The following NELL1 variants were observed in gnomAD, a reference collection of about 807,000 sequenced individuals.
NELL1 encodes neural EGFL like 1, also known as protein kinase C-binding protein NELL1.
NELL1 carries 76 observed loss-of-function variants against 107.4 expected under a neutral mutation model. That is an observed-to-expected ratio of 0.71 (90% CI 0.59 to 0.86). NELL1 has a LOEUF of 0.86. NELL1 is among the 40% of genes least tolerant of loss of function. The pLI, the probability that NELL1 is intolerant of heterozygous loss-of-function variation, is 0.00. For missense variants in NELL1, 1,024 were observed against 1,005.5 expected, an observed-to-expected ratio of 1.02 and a Z score of -0.25; for synonymous variants, 353 against 341.2, an observed-to-expected ratio of 1.03 and a Z score of -0.38.
At chr11:20,893,189 A>G (rs7942278) in intron 5 of NELL1, among the ~76,000 whole-genome samples, 47,418 of 151,572 alleles carry the variant, frequency 0.31, 10,960 homozygotes, top group African/African-American at 0.64. Flanking sequence ...GTTCTTACTC[A>G]TAAGTGGGAG....
At chr11:21,110,170 T>C (rs1432133610) in intron 12 of NELL1, among the ~76,000 whole-genome samples, 1 of 152,152 alleles carries the variant, frequency 6.6e-6, no homozygotes, top group Non-Finnish European at 1.5e-5. Context: ...GGTACATTCA[T>C]CAACTTTTCA....
At chr11:21,480,486 G>A (rs75243176) in intron 15 of NELL1, among the ~76,000 whole-genome samples, 1 of 152,220 alleles carries the variant, frequency 6.6e-6, no homozygotes, top group East Asian at 1.9e-4. Context: ...AAGCTATTAG[G>A]CTGTTCATTC....
At chr11:21,094,595 A>T (rs1451580394) in intron 12 of NELL1, among the ~76,000 whole-genome samples, 1 of 152,160 alleles carries the variant, frequency 6.6e-6, no homozygotes, top group Admixed American at 6.5e-5. Context: ...ATTTCCATAC[A>T]TCTTATGAAA....
intron 11 of NELL1, among the ~76,000 whole-genome samples, chr11:20,948,765 TAAAA>T (rs35915453): frequency 1.5e-4 from 16 of 107,294 alleles, no homozygotes; most frequent in African/African-American, 4.9e-4. Flanking sequence ...TTCAAAATCT[TAAAA>T]AAAAAAAAAA....
rs181095533 is a variant in NELL1, at chr11:20,814,588, C to T, written c.335+30758C>T. On this transcript the variant is annotated intron_variant, in intron 3 of 19. Transcript: ENST00000357134. ...TCTTGTGTTAATTCACTTAGGATAA[C>T]GTCCTTCAGCTACGTCCATGTTGCT... Among the ~76,000 whole-genome samples, 198 of 152,330 alleles carry T rather than the reference C, an allele frequency of 1.3e-3. 1 individual carries two copies. Among genetic ancestry groups the T allele is most frequent in the African/African-American group, 4.1e-3 (171 of 41,572 alleles).
chr11:21,176,599 T>C (rs896566763), intron 13 of NELL1, among the ~76,000 whole-genome samples: 2 of 151,764 alleles, frequency 1.3e-5, no homozygotes, highest in Non-Finnish European at 2.9e-5. Flanking sequence ...TTGATTCCAT[T>C]GAAATTATCT....
intron 2 of NELL1, among the ~76,000 whole-genome samples, chr11:20,702,882 T>G (rs939976880): frequency 2.6e-5 from 4 of 152,162 alleles, no homozygotes; most frequent in Non-Finnish European, 4.4e-5. Context: ...GTGGATAAGC[T>G]TTTTGAGGTG....
At chr11:20,798,071 T>C (rs1259525373) in intron 3 of NELL1, among the ~76,000 whole-genome samples, 2 of 152,164 alleles carry the variant, frequency 1.3e-5, no homozygotes, top group South Asian at 2.1e-4. Context: ...TAGCACAGTG[T>C]AGACATAGCT....
chr11:21,189,805 A>G (rs1245155299), intron 13 of NELL1, among the ~76,000 whole-genome samples: 1 of 151,016 alleles, frequency 6.6e-6, no homozygotes, highest in Non-Finnish European at 1.5e-5. Flanking sequence ...TGGTTTTATT[A>G]TTGATCTACA....
chr11:21,437,460 A>G (rs1387540701), intron 15 of NELL1, among the ~76,000 whole-genome samples: 3 of 152,140 alleles, frequency 2.0e-5, no homozygotes, highest in Admixed American at 6.6e-5. Context: ...CCTGGGTTCA[A>G]GTGATTCTCC....
chr11:21,512,186 A>G (rs1379049998), intron 15 of NELL1, among the ~76,000 whole-genome samples: 1 of 152,160 alleles, frequency 6.6e-6, no homozygotes, highest in Non-Finnish European at 1.5e-5. Context: ...GAGCTAAGAG[A>G]ATATTGAGCA....
intron 15 of NELL1, among the ~76,000 whole-genome samples, chr11:21,410,829 C>T (rs1243043749): frequency 1.3e-5 from 2 of 151,984 alleles, no homozygotes; most frequent in African/African-American, 2.4e-5. Context: ...CGGCGTGTGC[C>T]GTTTCTGTGG....
chr11:21,458,874 G>A (rs1853821078), intron 15 of NELL1, among the ~76,000 whole-genome samples: 1 of 152,062 alleles, frequency 6.6e-6, no homozygotes, highest in East Asian at 1.9e-4. Context: ...TAAATGAACA[G>A]CAAATCCTTC....
chr11:21,228,240 G>A (rs898392069), intron 13 of NELL1, among the ~76,000 whole-genome samples: 1 of 152,172 alleles, frequency 6.6e-6, no homozygotes, highest in Non-Finnish European at 1.5e-5. Flanking sequence ...AACTTGCTGA[G>A]TGTGAGAGGA....
chr11:21,510,246 G>A (rs956509447), intron 15 of NELL1, among the ~76,000 whole-genome samples: 1 of 152,156 alleles, frequency 6.6e-6, no homozygotes, highest in Non-Finnish European at 1.5e-5. Flanking sequence ...TTATGAATGT[G>A]CATAGAGGCA....
chr11:21,470,423 G>A (rs993387363), intron 15 of NELL1, among the ~76,000 whole-genome samples: 1 of 151,922 alleles, frequency 6.6e-6, no homozygotes, highest in Non-Finnish European at 1.5e-5. Flanking sequence ...ATTCAAACAT[G>A]TTTCCCAATA....
At chr11:20,702,955 G>T (rs1793020) in intron 2 of NELL1, among the ~76,000 whole-genome samples, 60,439 of 151,972 alleles carry the variant, frequency 0.4, 13,990 homozygotes, top group African/African-American at 0.64. Flanking sequence ...ATCAGGCATA[G>T]TGGTCTAAAA....
chr11:20,815,555 A>C (rs976118140), intron 3 of NELL1, among the ~76,000 whole-genome samples: 10 of 151,962 alleles, frequency 6.6e-5, no homozygotes, highest in African/African-American at 2.2e-4. Flanking sequence ...TAGTTATTAG[A>C]CCATTGTTAG....
At chr11:20,783,590 C>A in intron 2 of NELL1, 90 bp from the exon 3 acceptor site, 2 of 846,126 alleles carry the variant, frequency 2.4e-6, no homozygotes, top group Non-Finnish European at 1.8e-6. Context: ...TCTCATCTCC[C>A]CTCTCCTCTT....
Sources: gnomAD v4.1 joint callset for allele counts (sites outside exome capture counted in the v4.1 genomes callset) on GRCh38, gnomAD v4.1.1 for gene constraint, MANE v1.5 for transcripts, NCBI Gene and HGNC (gene_info 2026-07-23, HGNC 2026-07-21) for gene names.